Variants in PLPPR1 observed in about 807,000 individuals in gnomAD.
PLPPR1 encodes phospholipid phosphatase-related protein type 1.
Under a neutral mutation model 33.1 loss-of-function variants are expected in PLPPR1, and 10 were observed. The observed-to-expected ratio is 0.30, with a 90% CI of 0.19 to 0.51. PLPPR1 has a LOEUF of 0.51. Ranked by LOEUF, PLPPR1 falls within the 20% of genes least tolerant of loss-of-function variation. The pLI is 0.97. For synonymous variants in PLPPR1, 151 were observed against 151.0 expected (o/e 1.00, Z 0.00); for missense variants, 304 against 408.1 (o/e 0.74, Z 2.20).
At chr9:101,127,426 C>G (rs535716589) in intron 1 of PLPPR1, among the ~76,000 whole-genome samples, 1 of 152,320 alleles carries the variant, frequency 6.6e-6, no homozygotes, top group South Asian at 2.1e-4. Flanking sequence ...TCTGGGAGCC[C>G]ATGCTATTTA....
intron 2 of PLPPR1, among the ~76,000 whole-genome samples, chr9:101,188,541 A>T (rs926350289): frequency 6.6e-6 from 1 of 151,952 alleles, no homozygotes; most frequent in Non-Finnish European, 1.5e-5. Context: ...GTAACGTTGG[A>T]TAGAGGCAGT....
chr9:101,108,475 A>G (rs1831007621), intron 1 of PLPPR1, among the ~76,000 whole-genome samples: 1 of 152,242 alleles, frequency 6.6e-6, no homozygotes, highest in African/African-American at 2.4e-5. Context: ...TTGGATAAGT[A>G]GTATGATAAG....
chr9:101,038,829 C>T (rs552886116), intron 1 of PLPPR1, among the ~76,000 whole-genome samples: 56 of 152,238 alleles, frequency 3.7e-4, no homozygotes, highest in Non-Finnish European at 7.4e-4. Flanking sequence ...CCCATATAAC[C>T]CCTCACTGCA....
chr9:101,216,064 A>G (rs1460165943), intron 2 of PLPPR1, among the ~76,000 whole-genome samples: 2 of 152,162 alleles, frequency 1.3e-5, no homozygotes, highest in Admixed American at 6.5e-5. Flanking sequence ...AGGAACCTCC[A>G]TACTGTTTTC....
intron 1 of PLPPR1, among the ~76,000 whole-genome samples, chr9:101,133,260 A>G (rs2118616939): frequency 6.6e-6 from 1 of 152,302 alleles, no homozygotes; most frequent in East Asian, 1.9e-4. Context: ...CTTTTTAATA[A>G]GCATAGTTTT....
intron 4 of PLPPR1, among the ~76,000 whole-genome samples, chr9:101,300,632 C>T (rs1052209261): frequency 3.3e-5 from 5 of 152,212 alleles, no homozygotes; most frequent in South Asian, 2.1e-4. Context: ...AGATCATCAG[C>T]TTCAGCTTTA....
intron 3 of PLPPR1, among the ~76,000 whole-genome samples, chr9:101,274,392 G>A (rs534657503): frequency 6.6e-6 from 1 of 152,260 alleles, no homozygotes; most frequent in South Asian, 2.1e-4. Context: ...ACCTGGTTCT[G>A]TACATGATTA....
At chr9:101,048,459 T>C (rs1830179984) in intron 1 of PLPPR1, among the ~76,000 whole-genome samples, 1 of 152,200 alleles carries the variant, frequency 6.6e-6, no homozygotes, top group South Asian at 2.1e-4. Context: ...AACTTCTTAC[T>C]GAGTCTCTTA....
chr9:101,182,906 T>A (rs115397496), intron 1 of PLPPR1, among the ~76,000 whole-genome samples: 3,580 of 151,776 alleles, frequency 0.024, 143 homozygotes, highest in African/African-American at 0.079. Flanking sequence ...CAACATAATT[T>A]TTTATTAGCA....
At chr9:101,201,796 A>G (rs2118749097) in intron 2 of PLPPR1, among the ~76,000 whole-genome samples, 1 of 152,212 alleles carries the variant, frequency 6.6e-6, no homozygotes, top group Middle Eastern at 3.4e-3. Flanking sequence ...TTATTCAACA[A>G]CTCATCTTGG....
At chr9:101,100,997 G>A (rs1830891544) in intron 1 of PLPPR1, among the ~76,000 whole-genome samples, 1 of 152,034 alleles carries the variant, frequency 6.6e-6, no homozygotes, top group Non-Finnish European at 1.5e-5. Context: ...TATACTAAAA[G>A]GTATGTGTAA....
chr9:101,051,168 A>G (rs182829655), intron 1 of PLPPR1, among the ~76,000 whole-genome samples: 1 of 151,940 alleles, frequency 6.6e-6, no homozygotes, highest in Non-Finnish European at 1.5e-5. Context: ...TTTTACTGCT[A>G]TCTCAGTTAA....
At chr9:101,047,489 T>G (rs1830167869) in intron 1 of PLPPR1, among the ~76,000 whole-genome samples, 1 of 152,236 alleles carries the variant, frequency 6.6e-6, no homozygotes, top group Admixed American at 6.5e-5. Flanking sequence ...ATTTGTCTTC[T>G]ATACCTACTC....
At chr9:101,262,328 G>T (rs1827915070) in intron 2 of PLPPR1, among the ~76,000 whole-genome samples, 1 of 152,126 alleles carries the variant, frequency 6.6e-6, no homozygotes, top group African/African-American at 2.4e-5. Context: ...TAGGCAATCT[G>T]TCCTGTACTC....
chr9:101,145,291 A>C (rs774584033), intron 1 of PLPPR1, among the ~76,000 whole-genome samples: 1 of 152,230 alleles, frequency 6.6e-6, no homozygotes, highest in African/African-American at 2.4e-5. Flanking sequence ...AACAAATGAT[A>C]AGTATTTAAG....
At chr9:101,081,182 G>C (rs899544522) in intron 1 of PLPPR1, among the ~76,000 whole-genome samples, 3 of 151,950 alleles carry the variant, frequency 2.0e-5, no homozygotes, top group Admixed American at 6.6e-5. Flanking sequence ...AATGTGGTTT[G>C]GGGGGTGGGT....
chr9:101,125,267 T>G (rs1027120852), intron 1 of PLPPR1, among the ~76,000 whole-genome samples: 2 of 151,442 alleles, frequency 1.3e-5, no homozygotes, highest in African/African-American at 2.5e-5. Context: ...TTTATCTCTA[T>G]CTCTATTTAT....
intron 4 of PLPPR1, 28 bp from the exon 5 acceptor site, chr9:101,309,182 AT>A: frequency 6.2e-7 from 1 of 1,612,864 alleles, no homozygotes; most frequent in Non-Finnish European, 8.5e-7. Flanking sequence ...GTATGTTACC[AT>A]TCCTAATGAT....
At chr9:101,090,178 G>A (rs564735561) in intron 1 of PLPPR1, among the ~76,000 whole-genome samples, 3 of 152,070 alleles carry the variant, frequency 2.0e-5, no homozygotes, top group African/African-American at 7.2e-5. Context: ...TTTATATAAC[G>A]ACATGAGCCC....
Sources: gnomAD v4.1 joint callset for allele counts (sites outside exome capture counted in the v4.1 genomes callset) on GRCh38, gnomAD v4.1.1 for gene constraint, MANE v1.5 for transcripts, NCBI Gene and HGNC (gene_info 2026-07-23, HGNC 2026-07-21) for gene names.